CSMD1: variants seen among roughly 807,000 people sequenced by gnomAD.
The protein encoded by CSMD1 is CUB and Sushi multiple domains 1, also known as CUB and sushi domain-containing protein 1.
In CSMD1, 213 loss-of-function variants were observed where a neutral mutation model predicts 417.5. The observed-to-expected ratio is 0.51, with a 90% CI of 0.46 to 0.57. CSMD1 has a LOEUF of 0.57. Among genes scored for constraint, CSMD1 ranks in the 20% least tolerant of loss-of-function variants. The probability of loss-of-function intolerance (pLI) is 0.00; values close to 1 mark genes in which losing one functional copy is unlikely to be tolerated. For missense variants in CSMD1, 6,923 were observed against 4,529.7 expected, an observed-to-expected ratio of 1.53 and a Z score of -15.17; for synonymous variants, 2,862 against 1,736.8, an observed-to-expected ratio of 1.65 and a Z score of -16.11.
At position 4,564,471 on chromosome 8, in the gene CSMD1, G is replaced by C. The variant is rs140866975; in HGVS notation, c.302+72871C>G. Among the ~76,000 whole-genome samples, 629 of 152,248 alleles carry C rather than the reference G, an allele frequency of 4.1e-3. 10 individuals are homozygous for C. Among genetic ancestry groups the C allele is most frequent in the Admixed American group, 0.039 (600 of 15,288 alleles). ...GTGTCTGGTGAGGGGCCTGATCCTG[G>C]TTCAGGGACACACATTCATTCCATG... On this transcript the variant is annotated intron_variant, in intron 2 of 69. Transcript: ENST00000635120.
chr8:4,271,466 A>G (rs1585133498), intron 3 of CSMD1, among the ~76,000 whole-genome samples: 1 of 152,288 alleles, frequency 6.6e-6, no homozygotes, highest in East Asian at 1.9e-4. Context: ...AACTCACTGC[A>G]ATGCAATACA....
intron 5 of CSMD1, among the ~76,000 whole-genome samples, chr8:3,968,310 T>C (rs1336671841): frequency 2.0e-5 from 3 of 152,150 alleles, no homozygotes; most frequent in African/African-American, 7.2e-5. Context: ...ATAGGCAGCA[T>C]GAGTATTGCC....
chr8:4,399,344 T>C (rs950706120), intron 3 of CSMD1, among the ~76,000 whole-genome samples: 3 of 152,134 alleles, frequency 2.0e-5, no homozygotes, highest in African/African-American at 7.2e-5. Flanking sequence ...CACCATATAG[T>C]GAAGTACTAA....
intron 10 of CSMD1, among the ~76,000 whole-genome samples, chr8:3,547,306 G>A (rs545010615): frequency 6.6e-6 from 1 of 152,326 alleles, no homozygotes; most frequent in African/African-American, 2.4e-5. Flanking sequence ...TGAAATGAAT[G>A]TGTGCTTATT....
intron 7 of CSMD1, among the ~76,000 whole-genome samples, chr8:3,689,259 G>A (rs1800108617): frequency 6.6e-6 from 1 of 152,156 alleles, no homozygotes; most frequent in Non-Finnish European, 1.5e-5. Flanking sequence ...AGTGAATCAT[G>A]GAACTTGCAG....
At chr8:4,678,298 C>T (rs558958897) in intron 1 of CSMD1, among the ~76,000 whole-genome samples, 2 of 152,002 alleles carry the variant, frequency 1.3e-5, no homozygotes, top group East Asian at 3.9e-4. Flanking sequence ...GTAGTCCCAA[C>T]TACTTGGGAG....
At chr8:4,560,961 A>C (rs1298365801) in intron 2 of CSMD1, among the ~76,000 whole-genome samples, 1 of 152,214 alleles carries the variant, frequency 6.6e-6, no homozygotes, top group Non-Finnish European at 1.5e-5. Context: ...ACAAAGATTA[A>C]GTCTTCCACT....
chr8:3,674,451 T>C (rs970503879), intron 7 of CSMD1, among the ~76,000 whole-genome samples: 3 of 152,154 alleles, frequency 2.0e-5, no homozygotes, highest in East Asian at 1.9e-4. Flanking sequence ...ATGGCTATTA[T>C]CATTATTATT....
At chr8:4,365,825 T>C (rs1802036182) in intron 3 of CSMD1, among the ~76,000 whole-genome samples, 1 of 152,224 alleles carries the variant, frequency 6.6e-6, no homozygotes, top group African/African-American at 2.4e-5. Context: ...ATCTTTTGAC[T>C]TTTCTAGATT....
rs145982627 is a variant in CSMD1, at chr8:4,627,856, T to C, written c.302+9486A>G. On this transcript the variant is annotated intron_variant, in intron 2 of 69. Coordinates refer to ENST00000635120, the MANE Select transcript of CSMD1 (RefSeq NM_033225.6). The stretch of plus-strand genomic sequence containing the variant: ...AGATATTGCTATAAATCAAAGGTTT[T>C]CACCCTTGGCATTTCTGATACTGTA... Among the ~76,000 whole-genome samples, 828 of 152,276 alleles carry C rather than the reference T, an allele frequency of 5.4e-3. 9 individuals are homozygous for C. The highest frequency in any genetic ancestry group is 0.019 in the African/African-American group (799 of 41,556).
At chr8:4,703,973 C>G (rs1252195551) in intron 1 of CSMD1, among the ~76,000 whole-genome samples, 2 of 152,138 alleles carry the variant, frequency 1.3e-5, no homozygotes, top group Non-Finnish European at 2.9e-5. Flanking sequence ...ACATGCAGTT[C>G]ACAGTAGGTT....
chr8:4,299,743 G>A (rs982362499), intron 3 of CSMD1, among the ~76,000 whole-genome samples: 13 of 151,982 alleles, frequency 8.6e-5, no homozygotes, highest in Admixed American at 2.0e-4. Flanking sequence ...CGATTGTCAT[G>A]CCTCAGCCTC....
At position 3,142,506 on chromosome 8, in the gene CSMD1, T is replaced by C. The variant is rs748998362; in HGVS notation, c.6200A>G (p.Asp2067Gly). The C allele has an allele frequency of 2.5e-6, 4 of 1,613,998 alleles. No homozygotes were observed. Among genetic ancestry groups the C allele is most frequent in the East Asian group, 2.2e-5 (1 of 44,884 alleles). ...AAATCCTTGCCGGTTTTGCGAATGG[T>C]CACTATAAAAGTGGATGAGGGTTTC... Reference protein sequence around the residue: ...THETLIHFYSDHSQNRQGFKL... With the variant: ...THETLIHFYSGHSQNRQGFKL... Residue 2067 changes from aspartate (D) to glycine (G), a missense_variant, in exon 41 of 70, where the codon GAC becomes GGC. Asp to Gly is a moderately conservative substitution (Grantham distance 94, BLOSUM62 -1). Transcript: ENST00000635120.
chr8:3,767,116 G>C (rs12675181), intron 5 of CSMD1, among the ~76,000 whole-genome samples: 2 of 152,126 alleles, frequency 1.3e-5, no homozygotes, highest in Non-Finnish European at 2.9e-5. Flanking sequence ...CAGTAGCCGT[G>C]GGGTTCCGCT....
intron 5 of CSMD1, among the ~76,000 whole-genome samples, chr8:3,902,079 ATT>A (rs746451041): frequency 3.9e-5 from 6 of 152,098 alleles, no homozygotes; most frequent in Non-Finnish European, 7.4e-5. Context: ...CCAGATTCCT[ATT>A]TGTCTTGAAA....
chr8:3,082,867 C>A (rs1355479494), intron 49 of CSMD1, among the ~76,000 whole-genome samples: 3 of 152,194 alleles, frequency 2.0e-5, no homozygotes, highest in Non-Finnish European at 4.4e-5. Flanking sequence ...GTAACTCTAT[C>A]CCTACAGATG....
At chr8:3,628,680 G>A (rs1057227520) in intron 7 of CSMD1, among the ~76,000 whole-genome samples, 1 of 152,050 alleles carries the variant, frequency 6.6e-6, no homozygotes, top group African/African-American at 2.4e-5. Context: ...GCCCCGAGAA[G>A]GGGCAGACTC....
chr8:3,618,886 G>C lies in CSMD1; in HGVS notation c.1010-2089C>G, dbSNP rs377613003. Among the ~76,000 whole-genome samples the C allele has an allele frequency of 4.6e-5, 7 of 152,322 alleles. No homozygotes were observed. In the East Asian group the frequency reaches 7.7e-4, roughly 17 times the overall value. ...TTTCCTCTCTAGGTATGAAGAAGCA[G>C]AGAGAAAGTGGCTGGCAGCACGATG... On this transcript the variant is annotated intron_variant, in intron 7 of 69. Transcript: ENST00000635120.
At chr8:3,165,173 C>A (rs1208657096) in intron 37 of CSMD1, among the ~76,000 whole-genome samples, 4 of 151,958 alleles carry the variant, frequency 2.6e-5, no homozygotes, top group Non-Finnish European at 4.4e-5. Flanking sequence ...TCACTACACA[C>A]CCAGTATATG....
Sources: gnomAD v4.1 joint callset for allele counts (sites outside exome capture counted in the v4.1 genomes callset) on GRCh38, gnomAD v4.1.1 for gene constraint, MANE v1.5 for transcripts, NCBI Gene and HGNC (gene_info 2026-07-23, HGNC 2026-07-21) for gene names.